The following TIMP3 variants were observed in gnomAD, a reference collection of about 807,000 sequenced individuals.
The protein encoded by TIMP3 is TIMP metallopeptidase inhibitor 3.
In TIMP3, 11 loss-of-function variants were observed where a neutral mutation model predicts 30.0. The ratio of observed to expected loss-of-function variants is 0.37; its 90% confidence interval spans 0.23 to 0.61. The LOEUF (loss-of-function observed/expected upper bound fraction) is 0.61. Ranked by LOEUF, TIMP3 falls within the 20% of genes least tolerant of loss-of-function variation. The probability of loss-of-function intolerance (pLI) is 0.70; values close to 1 mark genes in which losing one functional copy is unlikely to be tolerated. For missense variants in TIMP3, 181 were observed against 276.8 expected, an observed-to-expected ratio of 0.65 and a Z score of 2.45; for synonymous variants, 112 against 111.3, an observed-to-expected ratio of 1.01 and a Z score of -0.04.
rs548514021 is a variant in TIMP3, at chr22:32,838,822, T to C, written c.122-10630T>C. Among the ~76,000 whole-genome samples, 8 of 152,038 alleles carry C rather than the reference T, an allele frequency of 5.3e-5. No individual in the cohort carries two copies. The South Asian group carries it at 1.7e-3, about 32-fold the overall frequency. On this transcript the variant is annotated intron_variant, in intron 1 of 4. Transcript: ENST00000266085. Reference sequence around the variant, plus strand: ...CCTCATTCATTCATTCATTCAACATTTTTGGGAACCCTGGCCACAATCTAG... The same window carrying C: ...CCTCATTCATTCATTCATTCAACATCTTTGGGAACCCTGGCCACAATCTAG...
At chr22:32,834,964 C>G (rs566625749) in intron 1 of TIMP3, among the ~76,000 whole-genome samples, 1 of 152,350 alleles carries the variant, frequency 6.6e-6, no homozygotes, top group Admixed American at 6.5e-5. Context: ...TCTCTTCAGC[C>G]AGGGTCTTTG....
In TIMP3 at chr22:32,843,926, G is replaced by C. The variant is rs966082803; in HGVS notation, c.122-5526G>C. On this transcript the variant is annotated intron_variant, in intron 1 of 4. Transcript: ENST00000266085. ...GGTCTTTGGAGAGACAGGAATGGGG[G>C]TGTTGTGTGTGTGTGTGGGGTGGCG... is the stretch of plus-strand genomic sequence containing the variant. 3.3e-5 allele frequency among the ~76,000 whole-genome samples: 5 copies of C among 152,250 alleles called. No individual in the cohort carries two copies. The South Asian group carries it at 8.3e-4, about 25-fold the overall frequency.
chr22:32,846,922 G>A (rs1182963689), intron 1 of TIMP3, among the ~76,000 whole-genome samples: 1 of 152,224 alleles, frequency 6.6e-6, no homozygotes, highest in Non-Finnish European at 1.5e-5. Context: ...GCTATTTGGG[G>A]TAAGGAAGGA....
At chr22:32,853,100 C>T (rs1471303308) in intron 2 of TIMP3, among the ~76,000 whole-genome samples, 2 of 152,184 alleles carry the variant, frequency 1.3e-5, no homozygotes, top group African/African-American at 4.8e-5. Flanking sequence ...GTTTGTCTAA[C>T]CAAATGAGCA....
At chr22:32,824,264 C>A (rs1440310202) in intron 1 of TIMP3, among the ~76,000 whole-genome samples, 3 of 111,316 alleles carry the variant, frequency 2.7e-5, no homozygotes, top group Admixed American at 2.2e-4. Context: ...GGCGACAGAG[C>A]AAGACTCCAT....
chr22:32,834,021 C>A (rs531860116), intron 1 of TIMP3, among the ~76,000 whole-genome samples: 1 of 152,104 alleles, frequency 6.6e-6, no homozygotes, highest in Non-Finnish European at 1.5e-5. Flanking sequence ...TGTGTTCATC[C>A]CTGGTACTCT....
intron 1 of TIMP3, among the ~76,000 whole-genome samples, chr22:32,840,085 A>C (rs1360740883): frequency 6.6e-6 from 1 of 152,074 alleles, no homozygotes; most frequent in Non-Finnish European, 1.5e-5. Flanking sequence ...GAGAAACAGG[A>C]ATCTCTGGGC....
intron 1 of TIMP3, among the ~76,000 whole-genome samples, chr22:32,830,191 C>A (rs535971919): frequency 6.6e-6 from 1 of 152,174 alleles, no homozygotes; most frequent in Non-Finnish European, 1.5e-5. Context: ...TCCTTTTTCC[C>A]GCTGCCCTCT....
At chr22:32,815,410 C>G (rs187210395) in intron 1 of TIMP3, among the ~76,000 whole-genome samples, 2 of 152,304 alleles carry the variant, frequency 1.3e-5, no homozygotes, top group African/African-American at 4.8e-5. Context: ...GGAACTGGAA[C>G]AAAAATAATA....
At chr22:32,804,718 T>C (rs1230405687) in intron 1 of TIMP3, among the ~76,000 whole-genome samples, 1 of 152,144 alleles carries the variant, frequency 6.6e-6, no homozygotes, top group Non-Finnish European at 1.5e-5. Flanking sequence ...TAAAAGGTGT[T>C]TCTATGGCAA....
intron 1 of TIMP3, among the ~76,000 whole-genome samples, chr22:32,806,601 C>T (rs942831374): frequency 3.9e-5 from 6 of 152,136 alleles, no homozygotes; most frequent in Non-Finnish European, 8.8e-5. Context: ...GCTGTGTGTG[C>T]CTAGGCACAT....
At chr22:32,858,255 G>A (rs548659643) in intron 4 of TIMP3, 117 bp downstream of exon 4, 2 of 1,458,328 alleles carry the variant, frequency 1.4e-6, no homozygotes, top group East Asian at 2.3e-5. Flanking sequence ...GCATGTGTTA[G>A]GCCAGGGCAG....
chr22:32,846,591 T>C (rs1297572799), intron 1 of TIMP3, among the ~76,000 whole-genome samples: 1 of 152,192 alleles, frequency 6.6e-6, no homozygotes, highest in African/African-American at 2.4e-5. Flanking sequence ...ATCTTACAGA[T>C]TGGGAAACCA....
chr22:32,851,137 A>G (rs1601538948), intron 2 of TIMP3, among the ~76,000 whole-genome samples: 4 of 152,306 alleles, frequency 2.6e-5, no homozygotes, highest in Middle Eastern at 3.4e-3. Context: ...CAAGAGCAAC[A>G]ACAACGCAAA....
At chr22:32,820,657 C>T (rs138664358) in intron 1 of TIMP3, among the ~76,000 whole-genome samples, 8 of 152,260 alleles carry the variant, frequency 5.3e-5, no homozygotes, top group African/African-American at 1.9e-4. Flanking sequence ...GAAAACAAGT[C>T]GTGGCATCAC....
At chr22:32,841,225 C>T (rs2047892512) in intron 1 of TIMP3, among the ~76,000 whole-genome samples, 1 of 152,228 alleles carries the variant, frequency 6.6e-6, no homozygotes, top group Non-Finnish European at 1.5e-5. Flanking sequence ...AAAGAACCTG[C>T]TGCCCGGGGA....
rs1296490231 is a variant in TIMP3 at position 32,817,686 on chromosome 22, C to G, written c.121+15564C>G. Among the ~76,000 whole-genome samples the G allele has an allele frequency of 2.6e-5, 4 of 152,318 alleles. No homozygotes were observed. The East Asian group carries it at 7.7e-4, about 29-fold the overall frequency. On this transcript the variant is annotated intron_variant, in intron 1 of 4. Coordinates refer to ENST00000266085, the MANE Select transcript of TIMP3 (RefSeq NM_000362.5). ...CTGTGGTCATGACTTGTTTTATAATCTTGCTTGGCTCAGTTCTGGGCACAC... is the reference window on the plus strand; with the variant it reads ...CTGTGGTCATGACTTGTTTTATAATGTTGCTTGGCTCAGTTCTGGGCACAC...
At position 32,860,307 on chromosome 22, in the gene TIMP3, T is replaced by C. The variant is rs190547323; in HGVS notation, c.*930T>C. On this transcript the variant is annotated 3_prime_UTR_variant, in exon 5 of 5. Transcript: ENST00000266085. ...ACACACCATACACTATCCACAGATA[T>C]AGCCAAGTAGATTTGGGTAGAGGAT... The C allele has an allele frequency of 1.2e-4, 19 of 152,762 alleles. No homozygotes were observed. Among genetic ancestry groups the C allele is most frequent in the African/African-American group, 4.1e-4 (17 of 41,580 alleles). The allele number at this position is 152,762 out of a possible 1,614,324, so 9.5% of individuals were successfully genotyped here.
At chr22:32,855,968 G>A (rs940739802) in intron 2 of TIMP3, among the ~76,000 whole-genome samples, 15 of 152,164 alleles carry the variant, frequency 9.9e-5, no homozygotes, top group African/African-American at 3.4e-4. Context: ...TGGGATAAAC[G>A]AACCCAATGC....
Sources: gnomAD v4.1 joint callset for allele counts (sites outside exome capture counted in the v4.1 genomes callset) on GRCh38, gnomAD v4.1.1 for gene constraint, MANE v1.5 for transcripts, NCBI Gene and HGNC (gene_info 2026-07-23, HGNC 2026-07-21) for gene names.